Variants in PSMD2 observed in about 807,000 individuals in gnomAD.
PSMD2 encodes the protein proteasome 26S subunit ubiquitin receptor, non-ATPase 2, also known as 26S proteasome non-ATPase regulatory subunit 2.
In PSMD2, 8 loss-of-function variants were observed where a neutral mutation model predicts 101.5. The observed-to-expected ratio is 0.08, with a 90% CI of 0.05 to 0.14. The LOEUF (loss-of-function observed/expected upper bound fraction) is 0.14. Ranked by LOEUF, PSMD2 falls within the 10% of genes least tolerant of loss-of-function variation. The pLI, the probability that PSMD2 is intolerant of heterozygous loss-of-function variation, is 1.00. For missense variants in PSMD2, 784 were observed against 1,147.4 expected, an observed-to-expected ratio of 0.68 and a Z score of 4.58; for synonymous variants, 418 against 433.8, an observed-to-expected ratio of 0.96 and a Z score of 0.45.
intron 1 of PSMD2, 131 bp from the exon 2 acceptor site, chr3:184,299,719 TC>T: frequency 1.3e-6 from 1 of 760,894 alleles, no homozygotes; most frequent in East Asian, 2.5e-5. Flanking sequence ...GGCTTCCCAT[TC>T]CCACTCGGTT....
In PSMD2 at chr3:184,303,971, A is replaced by G. The variant is rs576261146; in HGVS notation, c.1348A>G (p.Ile450Val). 16 of 1,614,268 alleles carry G rather than the reference A, an allele frequency of 9.9e-6. No individual in the cohort carries two copies. Among genetic ancestry groups the G allele is most frequent in the East Asian group, 2.2e-5 (1 of 44,892 alleles). ...IKSGALLACG[I>V]VNSGVRNECD... ...GTCAGGAGCTCTTCTTGCCTGTGGC[A>G]TAGTGAACTCTGGGGTCCGGAATGA... The change falls in exon 11 of 21, where the codon ATA becomes GTA. Residue 450 changes from isoleucine to valine, a missense_variant. This residue lies in a region of PSMD2 where 37 missense variants were observed against 107.0 expected (regional missense o/e 0.35). Coordinates refer to ENST00000310118, the MANE Select transcript of PSMD2 (RefSeq NM_002808.5).
chr3:184,300,144 C>T, intron 2 of PSMD2, 136 bp from the exon 3 acceptor site: 1 of 1,005,346 alleles, frequency 9.9e-7, no homozygotes, highest in Non-Finnish European at 1.5e-6. Context: ...AGGCAGGGTG[C>T]AGGGAGTTGA....
In PSMD2 at chr3:184,307,743, G is replaced by A. The variant is rs1033904313; in HGVS notation, c.2298+35G>A. 3 of 1,609,238 alleles carry A rather than the reference G, an allele frequency of 1.9e-6. No homozygotes were observed. In the African/African-American group the frequency reaches 4.0e-5, roughly 22 times the overall value. The stretch of plus-strand genomic sequence containing the variant: ...AGAACTCCTCCACAGAGCGTGCCGG[G>A]GAAGTATCTGTGGTGATGGAAGGAG... On this transcript the variant is annotated intron_variant, in intron 18 of 20. Transcript: ENST00000310118.
intron 1 of PSMD2, 35 bp from the exon 2 acceptor site, chr3:184,299,816 C>T: frequency 2.5e-6 from 4 of 1,584,298 alleles, no homozygotes; most frequent in Non-Finnish European, 3.5e-6. Flanking sequence ...TTTGGGATTC[C>T]TTCTCTTCAT....
rs746878436 is a variant in PSMD2 at position 184,308,541 on chromosome 3, T to C, written c.2518T>C (p.Leu840=). The change falls in exon 20 of 21, where the codon TTG becomes CTG. Residue 840 remains leucine, a synonymous_variant. Coordinates refer to ENST00000310118, the MANE Select transcript of PSMD2 (RefSeq NM_002808.5). The surrounding 1 kb of genome is among the most constrained non-coding windows in gnomAD (Gnocchi z 6.0). ...LVTFDEELRP[L]PVSVRVGQAV... Reference sequence around the variant, plus strand: ...TACGTTTGATGAGGAGCTGCGGCCATTGCCAGTGTCTGTCCGTGTGGGCCA... The same window carrying C: ...TACGTTTGATGAGGAGCTGCGGCCACTGCCAGTGTCTGTCCGTGTGGGCCA... 6.2e-7 allele frequency: 1 copy of C among 1,613,878 alleles called. No homozygotes were observed. Among genetic ancestry groups the C allele is most frequent in the Non-Finnish European group, 8.5e-7 (1 of 1,179,992 alleles).
chr3:184,299,753 T>TA (rs1044845543), intron 1 of PSMD2, 98 bp from the exon 2 acceptor site: 4 of 1,030,446 alleles, frequency 3.9e-6, no homozygotes, highest in Non-Finnish European at 6.1e-6. Context: ...TGGCCCCTCC[T>TA]AAGGAGGCAG....
At position 184,306,401 on chromosome 3, in the gene PSMD2, A is replaced by G; in HGVS notation, c.1856A>G (p.His619Arg). The change falls in exon 15 of 21, where the codon CAC becomes CGC. Residue 619 changes from histidine (H) to arginine (R), a missense_variant. His to Arg is a conservative substitution (Grantham distance 29). Around this residue, in one of 6 missense-constraint regions of PSMD2, gnomAD observed 282 missense variants for 437.6 expected, o/e 0.64. Coordinates refer to ENST00000310118, the MANE Select transcript of PSMD2 (RefSeq NM_002808.5). The part of the protein sequence containing the change: ...VQQLLHICSE[H>R]FDSKEKEEDK... ...CAGCTGCTCCACATTTGTAGCGAAC[A>G]CTTTGACTCCAAAGAGAAGGAGGAA... The G allele has an allele frequency of 6.2e-7, 1 of 1,614,208 alleles. No individual in the cohort carries two copies. Among genetic ancestry groups the G allele is most frequent in the South Asian group, 1.1e-5 (1 of 91,086 alleles).
rs1721722873 is a variant in PSMD2, at chr3:184,303,536, G to A, written c.1216+70G>A. ...TTCTTTTGTCCTCTTGGAGTCATAA[G>A]TTATCTGACAAGGGATCCACCATGC... On this transcript the variant is annotated intron_variant, in intron 9 of 20. Transcript: ENST00000310118. 3.1e-6 allele frequency: 5 copies of A among 1,605,338 alleles called. No individual in the cohort carries two copies. The Admixed American group carries it at 8.4e-5, about 27-fold the overall frequency.
Position 184,301,982 on chromosome 3 carries a change from C to T in PSMD2, c.615C>T (p.Cys205=), listed in dbSNP as rs761188413. The T allele has an allele frequency of 9.3e-6, 15 of 1,614,052 alleles. No individual in the cohort carries two copies. Among genetic ancestry groups the T allele is most frequent in the South Asian group, 2.2e-5 (2 of 91,082 alleles). ...CCCACAATGCAGAGCATGAGGCTTG[C>T]GACCTGCTTATGGAAATTGAGCAGG... ...NMAHNAEHEA[C]DLLMEIEQVD... is the part of the protein sequence containing the mutation. Residue 205 remains cysteine (C), a synonymous_variant, in exon 5 of 21, where the codon TGC becomes TGT. Transcript: ENST00000310118.
intron 16 of PSMD2, among the ~76,000 whole-genome samples, 174 bp downstream of exon 16, chr3:184,307,008 G>A (rs1053835008): frequency 6.6e-6 from 1 of 151,904 alleles, no homozygotes; most frequent in African/African-American, 2.4e-5. Flanking sequence ...GCAATGGCAC[G>A]GTCTTGGCCC....
rs1721934411 is a variant in PSMD2 at position 184,308,809 on chromosome 3, G to A, written c.2646G>A (p.Leu882=). 1 of 1,613,516 alleles carries A rather than the reference G, an allele frequency of 6.2e-7. No individual in the cohort carries two copies. Among genetic ancestry groups the A allele is most frequent in the Non-Finnish European group, 8.5e-7 (1 of 1,179,996 alleles). ...TGGCCCACGGGGAACGGGCAGAATTGGCCACTGAGGAGTTTCTTCCTGTTA... is the reference window on the plus strand; with the variant it reads ...TGGCCCACGGGGAACGGGCAGAATTAGCCACTGAGGAGTTTCTTCCTGTTA... ...VLLAHGERAE[L]ATEEFLPVTP... Residue 882 remains leucine, a synonymous_variant, in exon 21 of 21, where the codon TTG becomes TTA. Coordinates refer to ENST00000310118, the MANE Select transcript of PSMD2 (RefSeq NM_002808.5). This position sits in a 1 kb window ranked among gnomAD's most constrained non-coding sequence, Gnocchi z 6.0.
At position 184,300,317 on chromosome 3, in the gene PSMD2, A is replaced by C; in HGVS notation, c.230A>C (p.Glu77Ala). 6.2e-7 allele frequency: 1 copy of C among 1,613,948 alleles called. No individual in the cohort carries two copies. The highest frequency in any genetic ancestry group is 8.5e-7 in the Non-Finnish European group (1 of 1,179,848). ...DTSLYRPALE[E>A]LRRQIRSSTT... Reference sequence around the variant, plus strand: ...TCCCTGTATCGACCAGCGCTGGAGGAATTGCGAAGGCAGATTCGTTCTTCT... The same window carrying C: ...TCCCTGTATCGACCAGCGCTGGAGGCATTGCGAAGGCAGATTCGTTCTTCT... Residue 77 changes from glutamate (E) to alanine (A), a missense_variant, in exon 3 of 21, where the codon GAA becomes GCA. Glu to Ala is a moderately radical substitution (Grantham distance 107). Around this residue, in one of 6 missense-constraint regions of PSMD2, gnomAD observed 196 missense variants for 182.4 expected, o/e 1.07. Transcript: ENST00000310118.
At chr3:184,305,437 C>T (rs1415822971) in intron 12 of PSMD2, among the ~76,000 whole-genome samples, 1 of 145,208 alleles carries the variant, frequency 6.9e-6, no homozygotes, top group Non-Finnish European at 1.5e-5. Context: ...TGCGGTGAGC[C>T]AAAATCGCGA....
At chr3:184,307,209 C>T (rs1465057520) in intron 16 of PSMD2, 148 bp from the exon 17 acceptor site, 12 of 831,978 alleles carry the variant, frequency 1.4e-5, no homozygotes, top group Non-Finnish European at 1.7e-5. Flanking sequence ...TCCCAAAGTG[C>T]TGGGATTACA....
At chr3:184,305,369 G>GT (rs1721795166) in intron 12 of PSMD2, among the ~76,000 whole-genome samples, 1 of 151,918 alleles carries the variant, frequency 6.6e-6, no homozygotes, top group Non-Finnish European at 1.5e-5. Context: ...CGCACCTATA[G>GT]TCCCAGCTAC....
intron 15 of PSMD2, 26 bp downstream of exon 15, chr3:184,306,521 A>G: frequency 1.2e-6 from 2 of 1,606,440 alleles, no homozygotes; most frequent in Non-Finnish European, 1.7e-6. Context: ...GGGCACTTGC[A>G]GAGAGGCTGT....
chr3:184,302,878 T>C, intron 7 of PSMD2, 55 bp downstream of exon 7: 4 of 1,612,502 alleles, frequency 2.5e-6, no homozygotes, highest in Non-Finnish European at 3.4e-6. Flanking sequence ...ACCTGCCATT[T>C]CACCTCCCTG....
At chr3:184,306,889 C>T (rs545091251) in intron 16 of PSMD2, 55 bp downstream of exon 16, 92 of 1,418,888 alleles carry the variant, frequency 6.5e-5, no homozygotes, top group Admixed American at 1.0e-4. Context: ...CCTGGGGTTC[C>T]CCAGGGAAGA....
chr3:184,302,404 G>C lies in PSMD2; in HGVS notation c.739G>C (p.Ala247Pro). ...TTACGTGCCTGAGCCTGAGAACTCA[G>C]CCCTACTGCGTTGTGCCCTGGGTGT... ...VNYVPEPENS[A>P]LLRCALGVFR... is the part of the protein sequence containing the mutation. Residue 247 changes from alanine (A) to proline (P), a missense_variant, in exon 6 of 21, where the codon GCC becomes CCC. Physicochemically the swap from Ala to Pro is conservative, Grantham distance 27. This residue lies in a region of PSMD2 where 208 missense variants were observed against 301.6 expected (regional missense o/e 0.69). Transcript: ENST00000310118. 1 of 1,614,088 alleles carries C rather than the reference G, an allele frequency of 6.2e-7. No homozygotes were observed. Among genetic ancestry groups the C allele is most frequent in the Non-Finnish European group, 8.5e-7 (1 of 1,180,016 alleles).
Sources: allele counts gnomAD v4.1 joint callset (sites outside exome capture counted in the v4.1 genomes callset), GRCh38; gene constraint gnomAD v4.1.1; regional missense constraint gnomAD v4.1.1; non-coding constraint Gnocchi (gnomAD v3.1); transcripts MANE v1.5; gene names NCBI Gene and HGNC (gene_info 2026-07-23, HGNC 2026-07-21).